The following EIF3D variants were observed in gnomAD, a reference collection of about 807,000 sequenced individuals.
The protein encoded by EIF3D is eukaryotic translation initiation factor 3 subunit D, also known as eIF3 p66.
In EIF3D, 10 loss-of-function variants were observed where a neutral mutation model predicts 75.4. The observed-to-expected ratio is 0.13, with a 90% CI of 0.08 to 0.22. The LOEUF (loss-of-function observed/expected upper bound fraction) is 0.22, where lower values mean the gene tolerates loss of function less well. EIF3D is among the 10% of genes least tolerant of loss of function. The pLI, the probability that EIF3D is intolerant of heterozygous loss-of-function variation, is 1.00. For missense variants in EIF3D, 394 were observed against 708.0 expected (o/e 0.56, Z 5.03); for synonymous variants, 246 against 248.3 (o/e 0.99, Z 0.09).
rs745742319 is a variant in EIF3D at position 36,523,873 on chromosome 22, T to C, written c.392+22A>G. Reference sequence around the variant, plus strand: ...GGCCAGTCTGGGAAGGGTGTCTTGTTCCAGCAGGATGAAAATCTCACCTCT... The same window carrying C: ...GGCCAGTCTGGGAAGGGTGTCTTGTCCCAGCAGGATGAAAATCTCACCTCT... On this transcript the variant is annotated intron_variant, in intron 5 of 14. Transcript: ENST00000216190. 14 of 1,610,972 alleles carry C rather than the reference T, an allele frequency of 8.7e-6. No homozygotes were observed. The East Asian group carries it at 2.7e-4, about 31-fold the overall frequency.
intron 3 of EIF3D, among the ~76,000 whole-genome samples, chr22:36,525,029 G>A (rs1393020717): frequency 6.6e-6 from 1 of 152,146 alleles, no homozygotes; most frequent in Non-Finnish European, 1.5e-5. Context: ...CTGCGTTATT[G>A]TGTGAGAATC....
At position 36,516,710 on chromosome 22, in the gene EIF3D, C is replaced by A. The variant is rs748577380; in HGVS notation, c.1071G>T (p.Ala357=). ...CCACCAGAGAGGTGACCTACCGGTACGCAACAGAGGCGATTTCATTCTTAT... is the reference window on the plus strand; with the variant it reads ...CCACCAGAGAGGTGACCTACCGGTAAGCAACAGAGGCGATTTCATTCTTAT... ...DMDKNEIASV[A]YRYRRWKLGD... is the part of the protein sequence containing the mutation. The change falls in exon 11 of 15, where the codon GCG becomes GCT. Residue 357 remains alanine (A), a synonymous_variant. Transcript: ENST00000216190. 6.2e-7 allele frequency: 1 copy of A among 1,614,226 alleles called. No homozygotes were observed. The highest frequency in any genetic ancestry group is 8.5e-7 in the Non-Finnish European group (1 of 1,180,034).
chr22:36,518,615 TA>T, intron 9 of EIF3D, 147 bp downstream of exon 9: 1 of 989,524 alleles, frequency 1.0e-6, no homozygotes, highest in Non-Finnish European at 1.4e-6. Flanking sequence ...TCCTAACCTC[TA>T]AAGAGTGTGG....
intron 2 of EIF3D, 37 bp from the exon 3 acceptor site, chr22:36,525,746 C>A (rs1429686203): frequency 1.4e-5 from 23 of 1,599,948 alleles, no homozygotes; most frequent in Non-Finnish European, 1.9e-5. Flanking sequence ...ATGCACAGGT[C>A]AACCAGGCAA....
At chr22:36,528,407 G>A (rs12106637) in intron 1 of EIF3D, among the ~76,000 whole-genome samples, 8,544 of 146,314 alleles carry the variant, frequency 0.058, 817 homozygotes, top group African/African-American at 0.21. Context: ...GAGATACCCT[G>A]GCTTTAATAA....
chr22:36,523,154 C>T (rs1044599227), intron 6 of EIF3D, 55 bp downstream of exon 6: 1 of 1,419,612 alleles, frequency 7.0e-7, no homozygotes, highest in Non-Finnish European at 1.0e-6. Context: ...TTAATAAAGA[C>T]AACCAAATAA....
At chr22:36,512,691 T>C in intron 12 of EIF3D, 89 bp from the exon 13 acceptor site, 1 of 1,470,384 alleles carries the variant, frequency 6.8e-7, no homozygotes, top group Non-Finnish European at 9.1e-7. Flanking sequence ...AACTCCCTAG[T>C]CTGCTTGCTT....
At chr22:36,518,558 C>T (rs1934463899) in intron 9 of EIF3D, among the ~76,000 whole-genome samples, 1 of 151,914 alleles carries the variant, frequency 6.6e-6, no homozygotes, top group Non-Finnish European at 1.5e-5. Flanking sequence ...GCTGTGAGGA[C>T]TCCAAAAGCT....
At chr22:36,520,807 C>A (rs931504757) in intron 6 of EIF3D, 119 bp from the exon 7 acceptor site, 7 of 628,512 alleles carry the variant, frequency 1.1e-5, no homozygotes, top group Non-Finnish European at 1.9e-5. Context: ...GTAGTCCCAG[C>A]ACTTTGGGAA....
chr22:36,528,089 A>C (rs1298609818), intron 1 of EIF3D, among the ~76,000 whole-genome samples: 5 of 152,196 alleles, frequency 3.3e-5, no homozygotes, highest in Non-Finnish European at 7.3e-5. Context: ...CAGATAATTT[A>C]ACACCATTGA....
At chr22:36,525,970 G>A in intron 2 of EIF3D, 29 bp downstream of exon 2, 1 of 1,581,590 alleles carries the variant, frequency 6.3e-7, no homozygotes, top group Non-Finnish European at 8.6e-7. Context: ...CAGCTGCAAA[G>A]ATTCAGACTC....
At chr22:36,524,189 A>G (rs1433464302) in intron 4 of EIF3D, among the ~76,000 whole-genome samples, 1 of 152,006 alleles carries the variant, frequency 6.6e-6, no homozygotes, top group East Asian at 1.9e-4. Flanking sequence ...CCCATGATAT[A>G]TTTTTCATTG....
rs774283036 is a variant in EIF3D, at chr22:36,510,952, G to C, written c.*35C>G. ...AAGCATCAAAGGCCCTCGTAGTCTC[G>C]GTGGAAGGACAAACTCCAGCTCCAC... On this transcript the variant is annotated 3_prime_UTR_variant, in exon 15 of 15. Transcript: ENST00000216190. 1.3e-5 allele frequency: 20 copies of C among 1,594,938 alleles called. No individual in the cohort carries two copies. Among genetic ancestry groups the C allele is most frequent in the Non-Finnish European group, 1.7e-5 (20 of 1,173,330 alleles).
At chr22:36,521,881 G>T in intron 6 of EIF3D, among the ~76,000 whole-genome samples, 1 of 152,122 alleles carries the variant, frequency 6.6e-6, no homozygotes, top group South Asian at 2.1e-4. Flanking sequence ...AGGTTGCAGT[G>T]AGCCAAGATC....
At chr22:36,516,085 A>G (rs1440425297) in intron 12 of EIF3D, 4 of 168,602 alleles carry the variant, frequency 2.4e-5, no homozygotes, top group African/African-American at 9.5e-5. Flanking sequence ...AGAAGAGGTC[A>G]AAAAGAAGAG....
At chr22:36,518,975 G>C in intron 8 of EIF3D, 65 bp from the exon 9 acceptor site, 1 of 1,586,304 alleles carries the variant, frequency 6.3e-7, no homozygotes, top group Non-Finnish European at 8.6e-7. Flanking sequence ...CACTCACATG[G>C]ATGGGAAAGA....
Position 36,518,710 on chromosome 22 carries a change from T to A in EIF3D, c.859+53A>T. The stretch of plus-strand genomic sequence containing the variant: ...TCTCTAGTACCAGAGACTTGTTCTG[T>A]ACCAACAAAAATACTCAATGCCTTT... On this transcript the variant is annotated intron_variant, in intron 9 of 14. Coordinates refer to ENST00000216190, the MANE Select transcript of EIF3D (RefSeq NM_003753.4). 1.9e-6 allele frequency: 3 copies of A among 1,605,112 alleles called. No individual in the cohort carries two copies. In the South Asian group the frequency reaches 3.3e-5, roughly 18 times the overall value.
chr22:36,518,704 G>A, intron 9 of EIF3D, 59 bp downstream of exon 9: 1 of 1,599,898 alleles, frequency 6.3e-7, no homozygotes, highest in East Asian at 2.2e-5. Context: ...CCAGAGACTT[G>A]TTCTGTACCA....
rs1239383023 is a variant in EIF3D, at chr22:36,523,248, T to C, written c.426A>G (p.Lys142=). ...ERIRLQKKFQ[K]QFGVRQKWDQ... ...CCCATTTCTGCCTAACCCCAAATTG[T>C]TTCTGGAACTTTTTCTGCAGTCGAA... The change falls in exon 6 of 15, where the codon AAA becomes AAG. Residue 142 remains lysine, a synonymous_variant. Coordinates refer to ENST00000216190, the MANE Select transcript of EIF3D (RefSeq NM_003753.4). 3 of 1,613,888 alleles carry C rather than the reference T, an allele frequency of 1.9e-6. No individual in the cohort carries two copies. The African/African-American group carries it at 4.0e-5, about 22-fold the overall frequency.
Sources: allele counts gnomAD v4.1 joint callset (sites outside exome capture counted in the v4.1 genomes callset), GRCh38; gene constraint gnomAD v4.1.1; transcripts MANE v1.5; gene names NCBI Gene and HGNC (gene_info 2026-07-23, HGNC 2026-07-21).